PTPRG: variants seen among roughly 807,000 people sequenced by gnomAD.
PTPRG encodes the protein receptor-type tyrosine-protein phosphatase gamma.
A neutral mutation model predicts 165.3 loss-of-function variants in PTPRG; 102 were observed. The ratio of observed to expected loss-of-function variants is 0.62; its 90% CI spans 0.53 to 0.73. PTPRG has a LOEUF of 0.73. PTPRG is among the 30% of genes least tolerant of loss of function. PTPRG has a pLI of 0.00. For missense variants in PTPRG, 1,866 were observed against 1,861.4 expected (o/e 1.00, Z -0.05); for synonymous variants, 675 against 669.5 (o/e 1.01, Z -0.13).
At position 62,294,332 on chromosome 3, in the gene PTPRG, TAATA is replaced by T. The variant is rs914362635; in HGVS notation, c.*1029_*1032del. ...CTTTCCTTCTTTGCCAAATGTTTTA[TAATA>T]AATCTCTTAATTACATACATTTTTC... is the stretch of plus-strand genomic sequence containing the variant. On this transcript the variant is annotated 3_prime_UTR_variant, in exon 30 of 30. Coordinates refer to ENST00000474889, the MANE Select transcript of PTPRG (RefSeq NM_002841.4). 7.2e-5 allele frequency: 11 copies of T among 152,180 alleles called. No homozygotes were observed. Among genetic ancestry groups the T allele is most frequent in the African/African-American group, 2.7e-4 (11 of 41,462 alleles). The allele number at this position is 152,180 out of a possible 1,614,324, so 9.4% of individuals were successfully genotyped here.
Position 62,282,708 on chromosome 3 carries a change from C to T in PTPRG, c.3913-19C>T, listed in dbSNP as rs1702499817. The stretch of plus-strand genomic sequence containing the variant: ...GTGAAATAAAGGAAGGGATTTGACC[C>T]ATGTTGTATTGGTTACAGGATGACT... On this transcript the variant is annotated intron_variant, in intron 27 of 29. Coordinates refer to ENST00000474889, the MANE Select transcript of PTPRG (RefSeq NM_002841.4). 6.3e-7 allele frequency: 1 copy of T among 1,595,362 alleles called. No homozygotes were observed. Among genetic ancestry groups the T allele is most frequent in the African/African-American group, 1.4e-5 (1 of 73,590 alleles).
intron 2 of PTPRG, among the ~76,000 whole-genome samples, chr3:61,863,814 G>A (rs1448393483): frequency 1.3e-5 from 2 of 152,182 alleles, no homozygotes; most frequent in Non-Finnish European, 2.9e-5. Flanking sequence ...TGAATGTGCA[G>A]TTCAACCTTT....
chr3:61,658,882 T>A (rs1702584804), intron 1 of PTPRG, among the ~76,000 whole-genome samples: 1 of 152,210 alleles, frequency 6.6e-6, no homozygotes, highest in Non-Finnish European at 1.5e-5. Context: ...ATTTGACACA[T>A]TATAGATTCT....
intron 3 of PTPRG, among the ~76,000 whole-genome samples, chr3:62,000,814 A>G (rs1218677970): frequency 2.0e-5 from 3 of 152,166 alleles, no homozygotes; most frequent in Non-Finnish European, 4.4e-5. Flanking sequence ...GATTCTAGAA[A>G]TGAGTTTGGA....
intron 2 of PTPRG, among the ~76,000 whole-genome samples, chr3:61,881,576 T>G (rs1156650862): frequency 6.6e-6 from 1 of 152,218 alleles, no homozygotes; most frequent in African/African-American, 2.4e-5. Context: ...TCTAGCCATT[T>G]GGGTTTTCCA....
intron 13 of PTPRG, among the ~76,000 whole-genome samples, chr3:62,227,833 T>G (rs1285072207): frequency 6.6e-6 from 1 of 152,196 alleles, no homozygotes; most frequent in Non-Finnish European, 1.5e-5. Context: ...CCAATTTTAT[T>G]TAGCTAACAT....
chr3:61,907,140 AC>A (rs1387439050), intron 2 of PTPRG, among the ~76,000 whole-genome samples: 6 of 149,354 alleles, frequency 4.0e-5, no homozygotes, highest in African/African-American at 7.4e-5. Flanking sequence ...AACTTCCCCC[AC>A]CCCTTTTTTT....
At chr3:61,645,060 A>T (rs1702164075) in intron 1 of PTPRG, among the ~76,000 whole-genome samples, 1 of 152,234 alleles carries the variant, frequency 6.6e-6, no homozygotes, top group East Asian at 1.9e-4. Context: ...CACTAAGAAC[A>T]TTAAAAAAAT....
In PTPRG at chr3:62,222,011, G is replaced by A. The variant is rs562704425; in HGVS notation, c.2288+3028G>A. The stretch of plus-strand genomic sequence containing the variant: ...TGTGATTCTCACAACAGATCTGTAC[G>A]GTAGGTACTATCACTGTCCTTTCTA... On this transcript the variant is annotated intron_variant, in intron 13 of 29. Transcript: ENST00000474889. The surrounding 1 kb of genome is among the most constrained non-coding windows in gnomAD (Gnocchi z 4.5). Among the ~76,000 whole-genome samples the A allele has an allele frequency of 1.9e-4, 29 of 152,298 alleles. No homozygotes were observed. The highest frequency in any genetic ancestry group is 5.8e-4 in the African/African-American group (24 of 41,566).
chr3:61,573,463 C>CT (rs1231896764), intron 1 of PTPRG, among the ~76,000 whole-genome samples: 6 of 152,022 alleles, frequency 3.9e-5, no homozygotes, highest in Non-Finnish European at 1.5e-5. Context: ...AAAGCCTGAA[C>CT]TTTGTACAAT....
At chr3:61,645,762 A>T (rs1407017782) in intron 1 of PTPRG, among the ~76,000 whole-genome samples, 2 of 152,224 alleles carry the variant, frequency 1.3e-5, no homozygotes, top group Non-Finnish European at 2.9e-5. Flanking sequence ...TATGTGAGCA[A>T]ATGAGCATGG....
chr3:61,974,198 A>G (rs546948238), intron 2 of PTPRG, among the ~76,000 whole-genome samples: 139 of 152,142 alleles, frequency 9.1e-4, no homozygotes, highest in African/African-American at 3.3e-3. Flanking sequence ...TTAGTACACA[A>G]AGGCCTATGG....
At chr3:61,604,207 CCAGGTACT>C (rs911500001) in intron 1 of PTPRG, among the ~76,000 whole-genome samples, 2 of 152,152 alleles carry the variant, frequency 1.3e-5, no homozygotes, top group African/African-American at 4.8e-5. Context: ...ACCTGTATTC[CCAGGTACT>C]CGGGAGGCTG....
chr3:61,878,052 G>C (rs181560245), intron 2 of PTPRG, among the ~76,000 whole-genome samples: 65 of 152,264 alleles, frequency 4.3e-4, no homozygotes, highest in African/African-American at 1.5e-3. Context: ...GGGATTTTTT[G>C]TATGAGATAA....
chr3:62,080,315 A>G (rs946566387), intron 5 of PTPRG, among the ~76,000 whole-genome samples: 1 of 151,334 alleles, frequency 6.6e-6, no homozygotes, highest in South Asian at 2.1e-4. Context: ...ACCTCACGTG[A>G]TCCGCCTGCC....
At chr3:61,747,853 G>A (rs1350943739) in intron 1 of PTPRG, among the ~76,000 whole-genome samples, 1 of 151,786 alleles carries the variant, frequency 6.6e-6, no homozygotes, top group African/African-American at 2.4e-5. Context: ...TGTTATCATA[G>A]TCAGCTGGGG....
Position 62,203,113 on chromosome 3 carries a change from T to C in PTPRG, c.1378-60T>C. The C allele has an allele frequency of 2.0e-6, 3 of 1,522,094 alleles. No individual in the cohort carries two copies. Among genetic ancestry groups the C allele is most frequent in the Non-Finnish European group, 2.6e-6 (3 of 1,134,834 alleles). The allele number at this position is 1,522,094 out of a possible 1,614,324, so 94.3% of individuals were successfully genotyped here. A position where few individuals can be genotyped will look rare whatever the true frequency, so the allele number is the denominator to read the frequency against. On this transcript the variant is annotated intron_variant, in intron 11 of 29. Transcript: ENST00000474889. This position sits in a 1 kb window ranked among gnomAD's most constrained non-coding sequence, Gnocchi z 6.4. ...CCTCATTCCCAATCTCAATTACTGA[T>C]GCTTCTCTGCTTTTTCTTCTTCTGC...
rs75794977 is a variant in PTPRG, at chr3:62,186,916, G to A, written c.1034-4553G>A. Among the ~76,000 whole-genome samples, 1,515 of 152,276 alleles carry A rather than the reference G, an allele frequency of 9.9e-3. 19 individuals carry two copies. Among genetic ancestry groups the A allele is most frequent in the Non-Finnish European group, 0.018 (1,242 of 68,030 alleles). ...TGGGGTGGGGGCTGGCCAGAGATGC[G>A]TCCATGAAGAGGAAGATGGCAAGCC... On this transcript the variant is annotated intron_variant, in intron 8 of 29. Transcript: ENST00000474889.
At chr3:61,800,497 T>C (rs1212094298) in intron 2 of PTPRG, among the ~76,000 whole-genome samples, 4 of 152,040 alleles carry the variant, frequency 2.6e-5, no homozygotes. Context: ...GCGTCCAAGT[T>C]ACCTCCATGC....
Sources: gnomAD v4.1 joint callset for allele counts (sites outside exome capture counted in the v4.1 genomes callset) on GRCh38, gnomAD v4.1.1 for gene constraint, Gnocchi (gnomAD v3.1) non-coding constraint, MANE v1.5 for transcripts, NCBI Gene and HGNC (gene_info 2026-07-23, HGNC 2026-07-21) for gene names.